The following MROH1 variants were observed in gnomAD, a reference collection of about 807,000 sequenced individuals.
MROH1 encodes the protein maestro heat like repeat family member 1.
In MROH1, 117 loss-of-function variants were observed where a neutral mutation model predicts 116.5. The ratio of observed to expected loss-of-function variants is 1.00; its 90% CI spans 0.86 to 1.17. The LOEUF (loss-of-function observed/expected upper bound fraction) is 1.17. Among genes scored for constraint, MROH1 ranks in the 50% most tolerant of loss-of-function variants. The probability of loss-of-function intolerance (pLI) is 0.00; values close to 1 mark genes in which losing one functional copy is unlikely to be tolerated. For synonymous variants in MROH1, 921 were observed against 583.9 expected (o/e 1.58, Z -8.32); for missense variants, 1,873 against 1,338.5 (o/e 1.40, Z -6.23).
At chr8:144,189,073 T>C (rs1827914256) in intron 7 of MROH1, among the ~76,000 whole-genome samples, 1 of 152,206 alleles carries the variant, frequency 6.6e-6, no homozygotes, top group East Asian at 1.9e-4. Flanking sequence ...AGTAATTGTT[T>C]GAAAATACCA....
chr8:144,217,416 G>A (rs1197692481), intron 12 of MROH1, among the ~76,000 whole-genome samples: 2 of 152,152 alleles, frequency 1.3e-5, no homozygotes, highest in African/African-American at 4.8e-5. Context: ...CTCTCATTAT[G>A]TATATGCAAA....
intron 12 of MROH1, among the ~76,000 whole-genome samples, chr8:144,212,683 A>G (rs1834401047): frequency 7.5e-6 from 1 of 133,956 alleles, no homozygotes; most frequent in African/African-American, 2.8e-5. Flanking sequence ...TCTGTTTTCC[A>G]GGTTCAAGCG....
At chr8:144,249,703 C>T (rs995336985) in intron 32 of MROH1, among the ~76,000 whole-genome samples, 8 of 35,074 alleles carry the variant, frequency 2.3e-4, no homozygotes, top group Admixed American at 1.4e-3. Flanking sequence ...AAACTCACAG[C>T]CCCCCCCAAG....
chr8:144,155,716 C>T (rs1211843450), intron 1 of MROH1, among the ~76,000 whole-genome samples: 1 of 151,372 alleles, frequency 6.6e-6, no homozygotes. Context: ...TCACTGCAAC[C>T]CCTGCTTCCT....
chr8:144,160,662 C>T (rs60569566), intron 1 of MROH1, among the ~76,000 whole-genome samples: 283 of 142,372 alleles, frequency 2.0e-3, no homozygotes, highest in African/African-American at 7.3e-3. Context: ...ACCCAGGCAC[C>T]AGACAAATTT....
chr8:144,184,347 G>C (rs967976138), intron 7 of MROH1, among the ~76,000 whole-genome samples: 10 of 152,184 alleles, frequency 6.6e-5, no homozygotes, highest in African/African-American at 2.4e-4. Flanking sequence ...CTCGGCTCTG[G>C]TGTGGGGCCA....
chr8:144,156,780 C>CTT (rs1188353149), intron 1 of MROH1, among the ~76,000 whole-genome samples: 3 of 82,412 alleles, frequency 3.6e-5, no homozygotes, highest in Admixed American at 1.9e-4. Flanking sequence ...AGTTTAATTT[C>CTT]TTTTTTTTTT....
At chr8:144,175,251 C>G (rs1019787029) in intron 4 of MROH1, 1 of 779,814 alleles carries the variant, frequency 1.3e-6, no homozygotes, top group Non-Finnish European at 1.5e-6. Flanking sequence ...CGGGTCCGGT[C>G]GGATGGGTAT....
rs1229594690 is a variant in MROH1, at chr8:144,243,908, C to T, written c.2521C>T (p.Arg841Trp). The T allele has an allele frequency of 1.9e-5, 15 of 780,380 alleles. No individual in the cohort carries two copies. Among genetic ancestry groups the T allele is most frequent in the Non-Finnish European group, 3.6e-5 (15 of 417,768 alleles). The allele number at this position is 780,380 out of a possible 1,614,324, so 48.3% of individuals were successfully genotyped here. A position where few individuals can be genotyped will look rare whatever the true frequency, so the allele number is the denominator to read the frequency against. Residue 841 changes from arginine to tryptophan, a missense_variant, in exon 26 of 44, where the codon CGG becomes TGG. By Grantham distance (101) the Arg-to-Trp change is moderately radical. Coordinates refer to ENST00000326134, the MANE Select transcript of MROH1 (RefSeq NM_032450.3). ...EPPDSLRTPI[R>W]KKAMLTCTYL... ...CCCGGACTCCTTGAGGACACCTATT[C>T]GGAAGAAAGCCATGCTCACCTGCAC...
In MROH1 at chr8:144,180,264, G is replaced by A. The variant is rs779872565; in HGVS notation, c.387G>A (p.Leu129=). 5 of 1,611,538 alleles carry A rather than the reference G, an allele frequency of 3.1e-6. No individual in the cohort carries two copies. Among genetic ancestry groups the A allele is most frequent in the Non-Finnish European group, 3.4e-6 (4 of 1,179,808 alleles). ...RQFISKVMEE[L]LRRLHPGTLP... ...TCATCAGCAAGGTGATGGAGGAGCTGCTGCGCAGGCTGCACCCTGGGACCC... is the reference window on the plus strand; with the variant it reads ...TCATCAGCAAGGTGATGGAGGAGCTACTGCGCAGGCTGCACCCTGGGACCC... The change falls in exon 6 of 44, where the codon CTG becomes CTA. Residue 129 remains leucine (L), a synonymous_variant. Coordinates refer to ENST00000326134, the MANE Select transcript of MROH1 (RefSeq NM_032450.3). The surrounding 1 kb of genome is among the most constrained non-coding windows in gnomAD (Gnocchi z 7.4).
Position 144,223,797 on chromosome 8 carries a change from G to A in MROH1, c.1338+567G>A, listed in dbSNP as rs999257025. On this transcript the variant is annotated intron_variant, in intron 14 of 43. Transcript: ENST00000326134. Reference sequence around the variant, plus strand: ...GGTGCTTGAGTCCCTGCAGCTCTGGGTCTGGTTCTTCAAGTTGGCAAAGCT... The same window carrying A: ...GGTGCTTGAGTCCCTGCAGCTCTGGATCTGGTTCTTCAAGTTGGCAAAGCT... Among the ~76,000 whole-genome samples the A allele has an allele frequency of 2.6e-5, 4 of 152,294 alleles. No individual in the cohort carries two copies. The East Asian group carries it at 7.7e-4, about 29-fold the overall frequency.
intron 13 of MROH1, among the ~76,000 whole-genome samples, chr8:144,222,053 A>G (rs1233382816): frequency 1.6e-5 from 1 of 61,820 alleles, no homozygotes; most frequent in Non-Finnish European, 6.3e-5. Context: ...TGCTGGGGTG[A>G]CAACTGCAGA....
chr8:144,243,424 A>G, intron 24 of MROH1, 70 bp from the exon 25 acceptor site: 1 of 766,812 alleles, frequency 1.3e-6, no homozygotes, highest in South Asian at 1.4e-5. Flanking sequence ...GAGGAAAGAA[A>G]AGGGGGTATG....
intron 1 of MROH1, among the ~76,000 whole-genome samples, chr8:144,151,123 C>T (rs1587681137): frequency 1.3e-5 from 2 of 151,808 alleles, no homozygotes; most frequent in African/African-American, 4.8e-5. Flanking sequence ...CGGTGGGCGC[C>T]TGTAATCCCA....
At chr8:144,168,109 C>T (rs1821403771) in intron 3 of MROH1, among the ~76,000 whole-genome samples, 186 bp from the exon 4 acceptor site, 1 of 152,184 alleles carries the variant, frequency 6.6e-6, no homozygotes, top group Admixed American at 6.5e-5. Flanking sequence ...CACCGCAGTG[C>T]ACCTGACCCC....
chr8:144,152,546 A>G (rs1212962121), intron 1 of MROH1, among the ~76,000 whole-genome samples: 1 of 142,002 alleles, frequency 7.0e-6, no homozygotes, highest in Non-Finnish European at 1.5e-5. Context: ...GTGAAAAATT[A>G]TTATTATTAT....
At chr8:144,255,185 GA>G (rs1185588545) in intron 34 of MROH1, among the ~76,000 whole-genome samples, 16 of 152,096 alleles carry the variant, frequency 1.1e-4, no homozygotes, top group Non-Finnish European at 1.9e-4. Flanking sequence ...TTATCCTGCG[GA>G]AAAAAAATAA....
At chr8:144,260,111 G>A (rs1844728558) in intron 38 of MROH1, 54 bp downstream of exon 38, 3 of 746,338 alleles carry the variant, frequency 4.0e-6, no homozygotes, top group East Asian at 2.5e-5. Context: ...GGGGGGCTGT[G>A]CATGGAGGCC....
rs987590191 is a variant in MROH1 at position 144,173,731 on chromosome 8, C to A, written c.168+5291C>A. On this transcript the variant is annotated intron_variant, in intron 4 of 43. Coordinates refer to ENST00000326134, the MANE Select transcript of MROH1 (RefSeq NM_032450.3). ...AGCCACTCCGCCCAGCCATAGGATT[C>A]TTCTTCTTGGTCCCTTTGCAAGCCC... 5.9e-5 allele frequency among the ~76,000 whole-genome samples: 9 copies of A among 152,260 alleles called. No homozygotes were observed. The East Asian group carries it at 1.7e-3, about 30-fold the overall frequency.
Sources: allele counts gnomAD v4.1 joint callset (sites outside exome capture counted in the v4.1 genomes callset), GRCh38; gene constraint gnomAD v4.1.1; non-coding constraint Gnocchi (gnomAD v3.1); transcripts MANE v1.5; gene names NCBI Gene and HGNC (gene_info 2026-07-23, HGNC 2026-07-21).